Variants in TASP1 observed in about 807,000 individuals in gnomAD.
TASP1 encodes threonine aspartase 1.
A neutral mutation model predicts 56.6 loss-of-function variants in TASP1; 16 were observed. The observed-to-expected ratio is 0.28, with a 90% confidence interval of 0.19 to 0.43. The LOEUF (loss-of-function observed/expected upper bound fraction) is 0.43, where lower values mean the gene tolerates loss of function less well. TASP1 is among the 20% of genes least tolerant of loss of function. The probability of loss-of-function intolerance (pLI) is 1.00; values close to 1 mark genes in which losing one functional copy is unlikely to be tolerated. For synonymous variants in TASP1, 179 were observed against 184.2 expected, an observed-to-expected ratio of 0.97 and a Z score of 0.23; for missense variants, 393 against 511.6, an observed-to-expected ratio of 0.77 and a Z score of 2.24.
intron 2 of TASP1, among the ~76,000 whole-genome samples, chr20:13,627,922 T>C (rs1240650558): frequency 6.6e-6 from 1 of 152,146 alleles, no homozygotes; most frequent in Non-Finnish European, 1.5e-5. Context: ...TAAAAAGTAA[T>C]CTTCCTTAGG....
At chr20:13,109,483 T>TA in the TASP1 span, among the ~76,000 whole-genome samples, 1 of 152,190 alleles carries the variant, frequency 6.6e-6, no homozygotes, top group Non-Finnish European at 1.5e-5. Context: ...AGATGGTTCT[T>TA]ATGAGGATTA....
the TASP1 span, among the ~76,000 whole-genome samples, chr20:13,310,332 GT>G: frequency 4.5e-4 from 68 of 152,240 alleles, 1 homozygote; most frequent in African/African-American, 1.6e-3. Flanking sequence ...GGAAAGGGTG[GT>G]CTCTTCAATA....
At chr20:13,548,358 G>A (rs2045876421) in intron 8 of TASP1, among the ~76,000 whole-genome samples, 1 of 152,130 alleles carries the variant, frequency 6.6e-6, no homozygotes, top group Non-Finnish European at 1.5e-5. Context: ...TTCTAAACAT[G>A]CTGAGTTAGA....
At chr20:13,430,198 C>A (rs543496044) in intron 12 of TASP1, among the ~76,000 whole-genome samples, 1 of 152,310 alleles carries the variant, frequency 6.6e-6, no homozygotes, top group East Asian at 1.9e-4. Context: ...TTTGTCATTA[C>A]AGCTCATTAG....
the TASP1 span, among the ~76,000 whole-genome samples, chr20:13,304,663 C>A: frequency 6.6e-6 from 1 of 152,186 alleles, no homozygotes; most frequent in African/African-American, 2.4e-5. Flanking sequence ...TGTCAGTCAA[C>A]TGTTTGGTGA....
At chr20:13,393,646 T>G in intron 13 of TASP1, 1 of 1,301,748 alleles carries the variant, frequency 7.7e-7, no homozygotes, top group Non-Finnish European at 1.1e-6. Context: ...GTGGTGGACC[T>G]CATGGCCCAC....
the TASP1 span, chr20:13,244,385 T>C: frequency 2.2e-5 from 2 of 89,222 alleles, no homozygotes; most frequent in Admixed American, 1.1e-4. Context: ...AGATGTCCTA[T>C]GCAAAAAAAA....
the TASP1 span, among the ~76,000 whole-genome samples, chr20:13,255,117 G>A: frequency 0.017 from 2,550 of 152,316 alleles, 30 homozygotes; most frequent in Non-Finnish European, 0.022. Flanking sequence ...CAGAATGATA[G>A]AGGGGAGCTT....
At position 13,435,152 on chromosome 20, in the gene TASP1, A is replaced by T; in HGVS notation, c.988T>A (p.Ser330Thr). ...CCATCTTCACTGGCAAGGAAAGGTG[A>T]ACCTAGGCAGAAAGGACTAGTAGTT... Reference protein sequence around the residue: ...LETMQNKFISSPFLASEDGVL... With the variant: ...LETMQNKFISTPFLASEDGVL... Residue 330 changes from serine (S) to threonine (T), a missense_variant and splice_region_variant, in exon 12 of 14, where the codon TCA becomes ACA. Physicochemically the swap from Ser to Thr is moderately conservative, Grantham distance 58 (BLOSUM62 1). Coordinates refer to ENST00000337743, the MANE Select transcript of TASP1 (RefSeq NM_017714.3). 6.3e-7 allele frequency: 1 copy of T among 1,598,276 alleles called. No homozygotes were observed. The highest frequency in any genetic ancestry group is 8.5e-7 in the Non-Finnish European group (1 of 1,172,068).
the TASP1 span, among the ~76,000 whole-genome samples, chr20:13,359,518 C>G: frequency 1.3e-5 from 2 of 151,474 alleles, no homozygotes; most frequent in Non-Finnish European, 2.9e-5. Flanking sequence ...AAGGTAAGCC[C>G]GTCCCCTTCT....
chr20:13,142,447 G>A, the TASP1 span, among the ~76,000 whole-genome samples: 1 of 152,184 alleles, frequency 6.6e-6, no homozygotes, highest in South Asian at 2.1e-4. Context: ...GGGTAAAGGG[G>A]AACTGGTATT....
At chr20:13,164,307 G>C in the TASP1 span, 2 of 470,968 alleles carry the variant, frequency 4.2e-6, no homozygotes, top group Non-Finnish European at 8.8e-6. Context: ...TGAGAGGACA[G>C]AGGATGATGT....
At chr20:13,578,074 C>T (rs56714285) in intron 6 of TASP1, among the ~76,000 whole-genome samples, 9,173 of 152,104 alleles carry the variant, frequency 0.06, 358 homozygotes, top group Admixed American at 0.12. Flanking sequence ...ATAAATAATA[C>T]CAAAATGTCT....
chr20:13,209,886 T>G, the TASP1 span, among the ~76,000 whole-genome samples: 1 of 152,162 alleles, frequency 6.6e-6, no homozygotes, highest in African/African-American at 2.4e-5. Flanking sequence ...TTACATAGAG[T>G]GCACAAGTCT....
the TASP1 span, among the ~76,000 whole-genome samples, chr20:13,141,677 G>C: frequency 6.6e-6 from 1 of 152,202 alleles, no homozygotes; most frequent in Non-Finnish European, 1.5e-5. Flanking sequence ...TTTGCCACTT[G>C]GTTGCCAGCT....
At chr20:13,520,037 A>G (rs1451914853) in intron 10 of TASP1, among the ~76,000 whole-genome samples, 1 of 152,222 alleles carries the variant, frequency 6.6e-6, no homozygotes, top group Non-Finnish European at 1.5e-5. Context: ...TTCAAAGAGA[A>G]TAAAATAGCT....
chr20:13,535,461 G>C (rs1355351412), intron 8 of TASP1, among the ~76,000 whole-genome samples: 3 of 152,122 alleles, frequency 2.0e-5, no homozygotes, highest in Non-Finnish European at 2.9e-5. Flanking sequence ...CACTATGACA[G>C]TACTTAGTTT....
At chr20:13,167,077 T>C in the TASP1 span, 2 of 152,186 alleles carry the variant, frequency 1.3e-5, no homozygotes, top group African/African-American at 4.8e-5. Context: ...ACAGGTATAA[T>C]CCAAGTAGAA....
chr20:13,373,222 A>G, the TASP1 span, among the ~76,000 whole-genome samples: 2 of 151,884 alleles, frequency 1.3e-5, no homozygotes, highest in African/African-American at 4.8e-5. Flanking sequence ...TTGCATTTCC[A>G]TCTATTATAG....
Sources: allele counts gnomAD v4.1 joint callset (sites outside exome capture counted in the v4.1 genomes callset), GRCh38; gene constraint gnomAD v4.1.1; transcripts MANE v1.5; gene names NCBI Gene and HGNC (gene_info 2026-07-23, HGNC 2026-07-21).